The following GLYATL1 variants were observed in gnomAD, a reference collection of about 807,000 sequenced individuals.
GLYATL1 encodes glycine N-acyltransferase-like protein 1.
GLYATL1 carries 15 observed loss-of-function variants against 20.0 expected under a neutral mutation model. The observed-to-expected ratio is 0.75, with a 90% CI of 0.50 to 1.15. The LOEUF (loss-of-function observed/expected upper bound fraction) is 1.15. GLYATL1 is among the 50% of genes most tolerant of loss of function. The pLI is 0.00. For synonymous variants in GLYATL1, 151 were observed against 131.5 expected (o/e 1.15, Z -1.01); for missense variants, 380 against 368.5 (o/e 1.03, Z -0.26).
intron 2 of GLYATL1, among the ~76,000 whole-genome samples, chr11:58,945,540 A>T (rs1856507007): frequency 6.6e-6 from 1 of 152,172 alleles, no homozygotes; most frequent in Admixed American, 6.5e-5. Context: ...TAATGTTCCC[A>T]GGGCAAATGG....
upstream of GLYATL1, among the ~76,000 whole-genome samples, chr11:58,938,964 A>T (rs552413822): frequency 6.6e-6 from 1 of 152,326 alleles, no homozygotes; most frequent in South Asian, 2.1e-4. Context: ...AGTTTGCCAG[A>T]ATCATAGGCA....
downstream of GLYATL1, among the ~76,000 whole-genome samples, chr11:58,912,455 C>A (rs1855068377): frequency 6.6e-6 from 1 of 152,270 alleles, no homozygotes; most frequent in South Asian, 2.1e-4. Context: ...CTTGCTTCCT[C>A]CACACTCCCT....
chr11:58,914,175 T>C (rs142809039), intron 1 of GLYATL1, among the ~76,000 whole-genome samples: 5 of 152,286 alleles, frequency 3.3e-5, no homozygotes, highest in African/African-American at 1.2e-4. Context: ...ACCCCACCAC[T>C]CATACCCATG....
intron 1 of GLYATL1, among the ~76,000 whole-genome samples, chr11:58,920,323 G>A (rs914214396): frequency 2.6e-5 from 4 of 152,152 alleles, no homozygotes; most frequent in Non-Finnish European, 5.9e-5. Context: ...AACATGGAAA[G>A]TGGCAAAAGC....
intron 4 of GLYATL1, among the ~76,000 whole-genome samples, chr11:58,951,326 ATGTC>A (rs1285380989): frequency 2.0e-5 from 3 of 152,078 alleles, no homozygotes; most frequent in African/African-American, 7.2e-5. Context: ...TGAAATATAA[ATGTC>A]TATTTTGTCG....
upstream of GLYATL1, chr11:58,934,780 G>T (rs1388984724): frequency 6.6e-6 from 1 of 152,662 alleles, no homozygotes; most frequent in Non-Finnish European, 1.5e-5. Flanking sequence ...CTGGAGCCTG[G>T]GTCTGCAGAT....
chr11:58,933,925 G>A (rs1176367999), intron 1 of GLYATL1: 1 of 152,480 alleles, frequency 6.6e-6, no homozygotes, highest in African/African-American at 2.4e-5. Context: ...TGGATCAACT[G>A]GGGTGGATCT....
chr11:58,919,492 A>G (rs191361220), intron 1 of GLYATL1, among the ~76,000 whole-genome samples: 9 of 152,304 alleles, frequency 5.9e-5, no homozygotes, highest in Admixed American at 5.9e-4. Context: ...GTAATGAACT[A>G]TTTCAGCCAC....
chr11:58,932,605 G>A (rs1169033002), intron 1 of GLYATL1, among the ~76,000 whole-genome samples: 6 of 152,210 alleles, frequency 3.9e-5, no homozygotes, highest in Non-Finnish European at 8.8e-5. Context: ...TGCATAAGCA[G>A]TTGATTCTTC....
intron 1 of GLYATL1, among the ~76,000 whole-genome samples, chr11:58,920,492 G>A (rs796505049): frequency 6.6e-6 from 1 of 152,178 alleles, no homozygotes; most frequent in African/African-American, 2.4e-5. Context: ...CCCTCTTGGC[G>A]TACTCCCTCT....
At chr11:58,947,259 C>G in intron 3 of GLYATL1, 94 bp downstream of exon 3, 16 of 1,489,784 alleles carry the variant, frequency 1.1e-5, no homozygotes, top group Non-Finnish European at 1.4e-5. Context: ...TGACTGTTTG[C>G]AGAGGGTTGG....
At chr11:58,941,741 T>C (rs1856172896) in intron 1 of GLYATL1, among the ~76,000 whole-genome samples, 1 of 151,980 alleles carries the variant, frequency 6.6e-6, no homozygotes, top group Non-Finnish European at 1.5e-5. Flanking sequence ...CCAAAGAGAG[T>C]GAGGTCTAGG....
rs755879645 is a variant in GLYATL1 at position 58,955,807 on chromosome 11, G to A, written c.689G>A (p.Gly230Glu). 21 of 1,614,202 alleles carry A rather than the reference G, an allele frequency of 1.3e-5. No individual in the cohort carries two copies. The highest frequency in any genetic ancestry group is 5.1e-6 in the Non-Finnish European group (6 of 1,180,046). ...ACCATGGACCCTTCTTGTGAAGTAG[G>A]AATGGCCTACAGCATGGAAAAATAC... ...WVTMDPSCEVGMAYSMEKYRR... is the reference protein window; with the variant it reads ...WVTMDPSCEVEMAYSMEKYRR... The change falls in exon 7 of 7, where the codon GGA becomes GAA. Residue 230 changes from glycine to glutamate, a missense_variant. Physicochemically the swap from Gly to Glu is moderately conservative, Grantham distance 98 (BLOSUM62 -2). Coordinates refer to ENST00000532726, the MANE Select transcript of GLYATL1 (RefSeq NM_001389712.2).
rs12278662 is a variant in GLYATL1 at position 58,939,540 on chromosome 11, A to G, written c.-277A>G. 0.17 allele frequency: 25,896 copies of G among 152,056 alleles called. 2,443 individuals carry two copies. The highest frequency in any genetic ancestry group is 0.31 in the East Asian group (1,603 of 5,146). The allele number at this position is 152,056 out of a possible 1,614,324, so 9.4% of individuals were successfully genotyped here. A position where few individuals can be genotyped will look rare whatever the true frequency, so the allele number is the denominator to read the frequency against. ...GAACTACTAAGCAGCTGCTTACCCA[A>G]TTTTGGCTGGAGAGATAAGTACCCT... On this transcript the variant is annotated 5_prime_UTR_variant, in exon 1 of 7. Transcript: ENST00000532726.
intron 1 of GLYATL1, among the ~76,000 whole-genome samples, chr11:58,918,497 T>C (rs545805807): frequency 5.3e-5 from 8 of 152,170 alleles, no homozygotes; most frequent in Non-Finnish European, 1.0e-4. Context: ...TTCCTTTCCA[T>C]GTAGTATGCA....
At chr11:58,926,127 T>G (rs747676472), upstream of GLYATL1, among the ~76,000 whole-genome samples, 1 of 152,216 alleles carries the variant, frequency 6.6e-6, no homozygotes, top group Non-Finnish European at 1.5e-5. Context: ...CATAACTGCT[T>G]AGGTTCCAAT....
At chr11:58,919,807 C>T (rs1855265060) in intron 1 of GLYATL1, among the ~76,000 whole-genome samples, 2 of 152,170 alleles carry the variant, frequency 1.3e-5, no homozygotes, top group South Asian at 2.1e-4. Context: ...ACAAATGGCT[C>T]AGGTAATGGC....
chr11:58,917,454 G>A (rs1452211415), intron 1 of GLYATL1, among the ~76,000 whole-genome samples: 1 of 152,184 alleles, frequency 6.6e-6, no homozygotes, highest in East Asian at 1.9e-4. Flanking sequence ...AGTTTACGGT[G>A]GCAAAAACGT....
chr11:58,910,469 T>C (rs78034494), downstream of GLYATL1, among the ~76,000 whole-genome samples: 1,245 of 152,272 alleles, frequency 8.2e-3, 17 homozygotes, highest in South Asian at 0.05. Flanking sequence ...AAATTCTCAT[T>C]TGCACTAATC....
Sources: gnomAD v4.1 joint callset for allele counts (sites outside exome capture counted in the v4.1 genomes callset) on GRCh38, gnomAD v4.1.1 for gene constraint, MANE v1.5 for transcripts, NCBI Gene and HGNC (gene_info 2026-07-23, HGNC 2026-07-21) for gene names.